Variants in OPCML observed in about 807,000 individuals in gnomAD.
OPCML encodes the protein opioid binding protein/cell adhesion molecule like, also known as opioid-binding protein/cell adhesion molecule.
OPCML carries 13 observed loss-of-function variants against 37.8 expected under a neutral mutation model. That is an observed-to-expected ratio of 0.34 (90% confidence interval 0.22 to 0.55). The LOEUF is 0.55. Among genes scored for constraint, OPCML ranks in the 20% least tolerant of loss-of-function variants. The pLI is 0.91. For missense variants in OPCML, 341 were observed against 435.6 expected (o/e 0.78, Z 1.93); for synonymous variants, 176 against 168.8 (o/e 1.04, Z -0.33).
At chr11:132,786,610 C>T (rs1947219730) in intron 2 of OPCML, among the ~76,000 whole-genome samples, 1 of 152,002 alleles carries the variant, frequency 6.6e-6, no homozygotes, top group Non-Finnish European at 1.5e-5. Flanking sequence ...GATAACTATG[C>T]AAAAGACACA....
intron 3 of OPCML, among the ~76,000 whole-genome samples, chr11:132,639,813 C>A (rs532933571): frequency 1.3e-5 from 2 of 152,254 alleles, no homozygotes; most frequent in East Asian, 3.9e-4. Context: ...GTAAGCATAA[C>A]CTTCCTATAA....
chr11:132,831,165 C>A (rs1177006567), intron 2 of OPCML, among the ~76,000 whole-genome samples: 1 of 151,958 alleles, frequency 6.6e-6, no homozygotes, highest in Non-Finnish European at 1.5e-5. Context: ...AGCAATTACA[C>A]TTGGCATTAA....
chr11:133,437,352 C>T (rs570477283), intron 1 of OPCML, among the ~76,000 whole-genome samples: 2 of 152,172 alleles, frequency 1.3e-5, no homozygotes, highest in African/African-American at 4.8e-5. Flanking sequence ...TCCACTTTCT[C>T]TCTGGGCATC....
chr11:132,965,257 T>G (rs1946188989), intron 1 of OPCML, among the ~76,000 whole-genome samples: 1 of 152,146 alleles, frequency 6.6e-6, no homozygotes, highest in South Asian at 2.1e-4. Flanking sequence ...TCTCTCTTTT[T>G]TGGGGGGAGG....
chr11:133,350,217 A>G lies in OPCML; in HGVS notation c.61+182047T>C, dbSNP rs538483644. ...GGCACTAAATGTCTTCGAAATCAAA[A>G]GGAGAATATAATTTAAGTGCCACTG... is the stretch of plus-strand genomic sequence containing the variant. On this transcript the variant is annotated intron_variant, in intron 1 of 7. Transcript: ENST00000524381. 3.9e-5 allele frequency among the ~76,000 whole-genome samples: 6 copies of G among 152,344 alleles called. No homozygotes were observed. The East Asian group carries it at 7.7e-4, about 20-fold the overall frequency.
intron 2 of OPCML, among the ~76,000 whole-genome samples, chr11:132,915,741 C>T (rs145354053): frequency 8.7e-4 from 133 of 152,268 alleles, no homozygotes; most frequent in African/African-American, 3.2e-3. Flanking sequence ...TCAGCATTTT[C>T]CCACATATTT....
rs140519884 is a variant in OPCML at position 132,586,025 on chromosome 11, G to T, written c.380-56839C>A. On this transcript the variant is annotated intron_variant, in intron 3 of 7. Coordinates refer to ENST00000524381, the MANE Select transcript of OPCML (RefSeq NM_001012393.5). Reference sequence around the variant, plus strand: ...CACCTGCCTTCTAGAAGGGAGGTGTGGGGGAGACAGCTGGCTTCCTCTCCC... The same window carrying T: ...CACCTGCCTTCTAGAAGGGAGGTGTTGGGGAGACAGCTGGCTTCCTCTCCC... Among the ~76,000 whole-genome samples, 1,457 of 152,240 alleles carry T rather than the reference G, an allele frequency of 9.6e-3. 18 individuals carry two copies. The highest frequency in any genetic ancestry group is 0.014 in the Middle Eastern group (4 of 294).
chr11:133,007,685 T>G (rs1771563418), intron 1 of OPCML: 2 of 985,234 alleles, frequency 2.0e-6, no homozygotes, highest in Non-Finnish European at 2.4e-6. Flanking sequence ...CACAGAGAGA[T>G]GAAGAAATTA....
intron 1 of OPCML, among the ~76,000 whole-genome samples, chr11:132,954,252 A>G (rs1945927358): frequency 6.6e-6 from 1 of 152,144 alleles, no homozygotes; most frequent in Non-Finnish European, 1.5e-5. Flanking sequence ...CCTGCCCTCA[A>G]GGAGTTTATA....
At chr11:133,333,962 G>GAATGGCTGTTTATAATAAGTTAAAA (rs1943683325) in intron 1 of OPCML, among the ~76,000 whole-genome samples, 1 of 152,220 alleles carries the variant, frequency 6.6e-6, no homozygotes. Context: ...ACACCAGTCA[G>GAATGGCTGTTTATAATAAGTTAAAA]AATGGCTGTT....
At chr11:132,601,207 T>C (rs1937866051) in intron 3 of OPCML, among the ~76,000 whole-genome samples, 1 of 152,058 alleles carries the variant, frequency 6.6e-6, no homozygotes, top group Admixed American at 6.6e-5. Context: ...TGAAATGGTT[T>C]CTCCTGCTCA....
chr11:132,446,101 G>GTTTTT (rs1429175760), intron 4 of OPCML, among the ~76,000 whole-genome samples: 21 of 77,446 alleles, frequency 2.7e-4, no homozygotes, highest in African/African-American at 1.2e-3. Context: ...CTCTGCTTGT[G>GTTTTT]TCTTTTTTTT....
intron 1 of OPCML, among the ~76,000 whole-genome samples, chr11:133,308,963 C>T (rs767424442): frequency 9.9e-5 from 15 of 152,060 alleles, no homozygotes; most frequent in African/African-American, 1.7e-4. Flanking sequence ...TTGATATAAA[C>T]GAATAAGTGA....
At chr11:133,042,995 C>T (rs1947935670) in intron 1 of OPCML, among the ~76,000 whole-genome samples, 1 of 152,160 alleles carries the variant, frequency 6.6e-6, no homozygotes, top group South Asian at 2.1e-4. Flanking sequence ...CTGCAAAACA[C>T]TTGCAGACAC....
In OPCML at chr11:133,205,434, G is replaced by A. The variant is rs1939021838; in HGVS notation, c.62-262424C>T. The stretch of plus-strand genomic sequence containing the variant: ...CCACTCTAGTAAATGAATTAAACCT[G>A]AAGAGGTGGGGGCTGGGAACGCTGA... On this transcript the variant is annotated intron_variant, in intron 1 of 7. Transcript: ENST00000524381. The surrounding 1 kb of genome is among the most constrained non-coding windows in gnomAD (Gnocchi z 4.8). Among the ~76,000 whole-genome samples, 1 of 152,116 alleles carries A rather than the reference G, an allele frequency of 6.6e-6. No individual in the cohort carries two copies. The highest frequency in any genetic ancestry group is 1.5e-5 in the Non-Finnish European group (1 of 68,046).
intron 1 of OPCML, among the ~76,000 whole-genome samples, chr11:132,968,369 C>T (rs769970881): frequency 6.6e-6 from 1 of 152,158 alleles, no homozygotes; most frequent in Non-Finnish European, 1.5e-5. Flanking sequence ...AGCCTTCTTG[C>T]TGGTGGGGCC....
chr11:133,355,674 A>G (rs12277211), intron 1 of OPCML, among the ~76,000 whole-genome samples: 18,524 of 152,176 alleles, frequency 0.12, 1,228 homozygotes, highest in East Asian at 0.19. Context: ...GATTTCAGTC[A>G]TCGCTTCAGC....
intron 1 of OPCML, among the ~76,000 whole-genome samples, chr11:133,250,274 T>G (rs1055804530): frequency 6.6e-6 from 1 of 152,214 alleles, no homozygotes; most frequent in South Asian, 2.1e-4. Flanking sequence ...AGGAATTTTA[T>G]AAGAGAGTGA....
intron 1 of OPCML, among the ~76,000 whole-genome samples, chr11:133,254,892 C>A (rs1005298457): frequency 6.6e-6 from 1 of 151,840 alleles, no homozygotes; most frequent in Non-Finnish European, 1.5e-5. Context: ...TTTGACAAGC[C>A]CATTAAATAC....
Sources: allele counts gnomAD v4.1 joint callset (sites outside exome capture counted in the v4.1 genomes callset), GRCh38; gene constraint gnomAD v4.1.1; non-coding constraint Gnocchi (gnomAD v3.1); transcripts MANE v1.5; gene names NCBI Gene and HGNC (gene_info 2026-07-23, HGNC 2026-07-21).